Variants in USP16 observed in about 807,000 individuals in gnomAD.
USP16 encodes the protein ubiquitin carboxyl-terminal hydrolase 16.
USP16 carries 77 observed loss-of-function variants against 95.9 expected under a neutral mutation model. That is an observed-to-expected ratio of 0.80 (90% CI 0.67 to 0.97). The LOEUF is 0.97. USP16 is among the 50% of genes least tolerant of loss of function. USP16 has a pLI of 0.00. For synonymous variants in USP16, 303 were observed against 318.2 expected (o/e 0.95, Z 0.51); for missense variants, 943 against 959.9 (o/e 0.98, Z 0.23).
At chr21:29,035,760 C>G (rs2085145662) in intron 4 of USP16, among the ~76,000 whole-genome samples, 1 of 149,536 alleles carries the variant, frequency 6.7e-6, no homozygotes, top group East Asian at 2.0e-4. Flanking sequence ...ACTAAAAATA[C>G]AAAAAAAAAG....
At chr21:29,050,354 G>T (rs1260249325) in intron 16 of USP16, among the ~76,000 whole-genome samples, 176 bp downstream of exon 16, 1 of 152,084 alleles carries the variant, frequency 6.6e-6, no homozygotes, top group African/African-American at 2.4e-5. Context: ...TTGAAGAATG[G>T]GTTATTTCAG....
At chr21:29,028,717 G>C (rs1385670921) in intron 2 of USP16, among the ~76,000 whole-genome samples, 3 of 152,322 alleles carry the variant, frequency 2.0e-5, no homozygotes, top group Admixed American at 6.5e-5. Flanking sequence ...TTACAGGCGT[G>C]AGCCACCGCG....
At chr21:29,039,978 G>A (rs1568890651) in intron 9 of USP16, among the ~76,000 whole-genome samples, 2 of 152,032 alleles carry the variant, frequency 1.3e-5, no homozygotes, top group Non-Finnish European at 2.9e-5. Context: ...AGGGAACATT[G>A]GTTGCATTTT....
Position 29,036,271 on chromosome 21 carries a change from G to C in USP16, c.345G>C (p.Trp115Cys). 6.2e-7 allele frequency: 1 copy of C among 1,603,426 alleles called. No individual in the cohort carries two copies. ...LVLSLDNWSV[W>C]CYVCDNEVQY... is the part of the protein sequence containing the mutation. ...TTCATCTCTGATTTTTGGGTCACAG[G>C]TGTTACGTATGTGATAATGAGGTCC... Residue 115 changes from tryptophan (W) to cysteine (C), a missense_variant and splice_region_variant, in exon 5 of 18, where the codon TGG becomes TGC. Transcript: ENST00000399976.
At chr21:29,027,810 C>A in intron 1 of USP16, 63 bp from the exon 2 acceptor site, 1 of 1,141,802 alleles carries the variant, frequency 8.8e-7, no homozygotes, top group Non-Finnish European at 1.3e-6. Context: ...ATATTACTGT[C>A]TCCTAGAGAA....
rs775688108 is a variant in USP16, at chr21:29,040,640, G to A, written c.983G>A (p.Gly328Asp). Residue 328 changes from glycine to aspartate, a missense_variant, in exon 10 of 18, where the codon GGT becomes GAT. Transcript: ENST00000399976. ...AGTAAAGGAATACTTAAAGCATTTGGTAATTCTACTGAAAAGTTGGATGAA... is the reference window on the plus strand; with the variant it reads ...AGTAAAGGAATACTTAAAGCATTTGATAATTCTACTGAAAAGTTGGATGAA... ...RVSKGILKAF[G>D]NSTEKLDEEL... 4 of 1,542,798 alleles carry A rather than the reference G, an allele frequency of 2.6e-6. No individual in the cohort carries two copies. The highest frequency in any genetic ancestry group is 1.1e-5 in the South Asian group (1 of 87,222).
At chr21:29,028,771 G>C (rs1362158117) in intron 2 of USP16, among the ~76,000 whole-genome samples, 1 of 152,156 alleles carries the variant, frequency 6.6e-6, no homozygotes, top group Middle Eastern at 3.2e-3. Context: ...ATTGCATTTA[G>C]CAAAGACCAT....
chr21:29,033,946 A>T (rs920114578), intron 3 of USP16, among the ~76,000 whole-genome samples: 7 of 152,208 alleles, frequency 4.6e-5, no homozygotes, highest in Non-Finnish European at 1.0e-4. Flanking sequence ...GGATAAATAG[A>T]ATAATGTGAA....
chr21:29,053,443 T>G (rs1481204062), intron 16 of USP16: 2 of 184,900 alleles, frequency 1.1e-5, no homozygotes, highest in East Asian at 1.4e-4. Flanking sequence ...TGTTCAGGGC[T>G]TACCTTTTTT....
intron 13 of USP16, among the ~76,000 whole-genome samples, chr21:29,045,779 G>C (rs2085312991): frequency 6.6e-6 from 1 of 151,864 alleles, no homozygotes; most frequent in Non-Finnish European, 1.5e-5. Flanking sequence ...GGTTGGTGAT[G>C]GTTTATTCCT....
chr21:29,028,076 C>A, intron 2 of USP16, 102 bp downstream of exon 2: 3 of 823,898 alleles, frequency 3.6e-6, no homozygotes, highest in Non-Finnish European at 3.8e-6. Context: ...ATATTATCTG[C>A]ATTTTAATAT....
chr21:29,041,913 AT>A (rs1220692990), intron 10 of USP16, 99 bp from the exon 11 acceptor site: 1 of 972,520 alleles, frequency 1.0e-6, no homozygotes, highest in Non-Finnish European at 1.5e-6. Flanking sequence ...GAAATTTAAA[AT>A]AAAATTTTAG....
intron 1 of USP16, chr21:29,025,755 C>T: frequency 1.0e-6 from 1 of 983,050 alleles, no homozygotes; most frequent in Non-Finnish European, 1.2e-6. Context: ...ACCTTGTAAT[C>T]ATCCTTTATG....
chr21:29,034,609 G>T (rs549938843), intron 3 of USP16, among the ~76,000 whole-genome samples: 1 of 152,176 alleles, frequency 6.6e-6, no homozygotes, highest in African/African-American at 2.4e-5. Context: ...GAGCCACCGC[G>T]CCTAGCGAGT....
At position 29,037,403 on chromosome 21, in the gene USP16, A is replaced by G. The variant is rs1415355440; in HGVS notation, c.576A>G (p.Gln192=). 2 of 1,609,376 alleles carry G rather than the reference A, an allele frequency of 1.2e-6. No homozygotes were observed. The highest frequency in any genetic ancestry group is 1.7e-6 in the Non-Finnish European group (2 of 1,178,356). The change falls in exon 6 of 18, where the codon CAA becomes CAG. Residue 192 remains glutamine, a synonymous_variant. Coordinates refer to ENST00000399976, the MANE Select transcript of USP16 (RefSeq NM_006447.3). ...ATCCTCCCATGAATTCTCCTTGCCA[A>G]ATAACCGTGAAAGGACTCAGTAATT... ...KENPPMNSPC[Q]ITVKGLSNLG... is the part of the protein sequence containing the mutation.
At chr21:29,036,461 A>G (rs1384391775) in intron 5 of USP16, 87 bp downstream of exon 5, 2 of 1,238,006 alleles carry the variant, frequency 1.6e-6, no homozygotes, top group Non-Finnish European at 1.2e-6. Flanking sequence ...CTAGCATTAC[A>G]TACAGCTGAG....
In USP16 at chr21:29,038,368, C is replaced by G. The variant is rs746096046; in HGVS notation, c.670C>G (p.Leu224Val). The G allele has an allele frequency of 1.6e-5, 26 of 1,612,426 alleles. No individual in the cohort carries two copies. Among genetic ancestry groups the G allele is most frequent in the African/African-American group, 2.7e-5 (2 of 74,866 alleles). The change falls in exon 7 of 18, where the codon CTA becomes GTA. Residue 224 changes from leucine (L) to valine (V), a missense_variant. Leu to Val is a conservative substitution (Grantham distance 32). Transcript: ENST00000399976. ...LSQTPVLREL[L>V]KEVKMSGTIV... ...ACAAACACCAGTGCTTAGAGAACTA[C>G]TAAAAGAAGTGAAAATGTCTGGAAC... is the stretch of plus-strand genomic sequence containing the variant.
intron 5 of USP16, 132 bp downstream of exon 5, chr21:29,036,506 CTATTTT>C (rs1446474614): frequency 1.2e-6 from 1 of 853,624 alleles, no homozygotes; most frequent in Non-Finnish European, 1.8e-6. Context: ...AACTATGAAA[CTATTTT>C]TGGTTTAACT....
At chr21:29,044,771 C>CA (rs2085298974) in intron 13 of USP16, among the ~76,000 whole-genome samples, 1 of 151,728 alleles carries the variant, frequency 6.6e-6, no homozygotes, top group Admixed American at 6.6e-5. Context: ...TTCTTTCTTT[C>CA]TTTTTTTTAA....
Sources: gnomAD v4.1 joint callset for allele counts (sites outside exome capture counted in the v4.1 genomes callset) on GRCh38, gnomAD v4.1.1 for gene constraint, MANE v1.5 for transcripts, NCBI Gene and HGNC (gene_info 2026-07-23, HGNC 2026-07-21) for gene names.